CSMD1: variants seen among roughly 807,000 people sequenced by gnomAD.
The protein encoded by CSMD1 is CUB and Sushi multiple domains 1.
CSMD1 carries 213 observed loss-of-function variants against 417.5 expected under a neutral mutation model. The observed-to-expected ratio is 0.51, with a 90% CI of 0.46 to 0.57. The LOEUF (loss-of-function observed/expected upper bound fraction) is 0.57. Ranked by LOEUF, CSMD1 falls within the 20% of genes least tolerant of loss-of-function variation. The probability of loss-of-function intolerance (pLI) is 0.00; values close to 1 mark genes in which losing one functional copy is unlikely to be tolerated. For synonymous variants in CSMD1, 2,862 were observed against 1,736.8 expected (o/e 1.65, Z -16.11); for missense variants, 6,923 against 4,529.7 (o/e 1.53, Z -15.17).
At chr8:4,931,047 T>C (rs531417711) in intron 1 of CSMD1, among the ~76,000 whole-genome samples, 2 of 152,294 alleles carry the variant, frequency 1.3e-5, no homozygotes, top group South Asian at 4.1e-4. Flanking sequence ...CCCTTACAAA[T>C]CCTTGACTTA....
intron 3 of CSMD1, among the ~76,000 whole-genome samples, chr8:4,072,011 G>C (rs955351006): frequency 3.9e-5 from 6 of 152,102 alleles, no homozygotes; most frequent in African/African-American, 9.7e-5. Context: ...TGGTGGATGT[G>C]GTTTTGCTGG....
rs187775967 is a variant in CSMD1, at chr8:4,752,618, C to T, written c.86-115060G>A. Among the ~76,000 whole-genome samples the T allele has an allele frequency of 3.0e-3, 460 of 152,104 alleles. 4 individuals are homozygous for T. The highest frequency in any genetic ancestry group is 0.01 in the African/African-American group (424 of 41,496). Reference sequence around the variant, plus strand: ...GAAATTCTAGAAAAATGTAGGGGAGCAAGAGAGAGGGGAAAATTGATGTGC... The same window carrying T: ...GAAATTCTAGAAAAATGTAGGGGAGTAAGAGAGAGGGGAAAATTGATGTGC... On this transcript the variant is annotated intron_variant, in intron 1 of 69. Transcript: ENST00000635120.
chr8:2,965,836 T>A lies in CSMD1; in HGVS notation c.9219A>T (p.Thr3073=). ...CNPGYVMEAV[T]SATIRCTKDG... Reference sequence around the variant, plus strand: ...CTTTGGTACAGCGAATAGTGGCGGATGTGACTGCTTCCATGACATAGCCTG... The same window carrying A: ...CTTTGGTACAGCGAATAGTGGCGGAAGTGACTGCTTCCATGACATAGCCTG... The change falls in exon 59 of 70, where the codon ACA becomes ACT. Residue 3073 remains threonine (T), a synonymous_variant. Transcript: ENST00000635120. The A allele has an allele frequency of 6.2e-7, 1 of 1,608,608 alleles. No homozygotes were observed. Among genetic ancestry groups the A allele is most frequent in the African/African-American group, 1.3e-5 (1 of 74,990 alleles).
At position 4,984,754 on chromosome 8, in the gene CSMD1, A is replaced by G. The variant is rs140746580; in HGVS notation, c.85+9578T>C. Among the ~76,000 whole-genome samples the G allele has an allele frequency of 3.9e-3, 600 of 152,322 alleles. 5 individuals carry two copies. Among genetic ancestry groups the G allele is most frequent in the African/African-American group, 0.014 (565 of 41,576 alleles). On this transcript the variant is annotated intron_variant, in intron 1 of 69. Coordinates refer to ENST00000635120, the MANE Select transcript of CSMD1 (RefSeq NM_033225.6). ...GAAGATCCTGCAGCAAGGAGGATGA[A>G]CAGCAGAAGGAAAAACCCCCAGATT... is the stretch of plus-strand genomic sequence containing the variant.
chr8:3,059,959 T>C (rs2128993092), intron 49 of CSMD1, among the ~76,000 whole-genome samples: 1 of 152,196 alleles, frequency 6.6e-6, no homozygotes, highest in Non-Finnish European at 1.5e-5. Context: ...CAGTGGGTAC[T>C]GCAATTAGGC....
chr8:4,615,194 A>C (rs1801406380), intron 2 of CSMD1, among the ~76,000 whole-genome samples: 1 of 152,168 alleles, frequency 6.6e-6, no homozygotes, highest in Non-Finnish European at 1.5e-5. Context: ...CTCTCCATGC[A>C]AAGAGAAACA....
chr8:4,327,906 T>A (rs921308086), intron 3 of CSMD1, among the ~76,000 whole-genome samples: 1 of 152,216 alleles, frequency 6.6e-6, no homozygotes, highest in Non-Finnish European at 1.5e-5. Context: ...TCCAGGTCCC[T>A]AATTTTCCTT....
intron 5 of CSMD1, among the ~76,000 whole-genome samples, chr8:3,790,452 G>T (rs1051842892): frequency 6.6e-6 from 1 of 152,130 alleles, no homozygotes; most frequent in African/African-American, 2.4e-5. Flanking sequence ...TGATGACACG[G>T]TTATGGTAAT....
chr8:3,949,734 C>T (rs1021955899), intron 5 of CSMD1, among the ~76,000 whole-genome samples: 2 of 152,074 alleles, frequency 1.3e-5, no homozygotes, highest in Non-Finnish European at 2.9e-5. Flanking sequence ...GCAATGGGGA[C>T]TTGATCCCAC....
intron 5 of CSMD1, among the ~76,000 whole-genome samples, chr8:3,978,404 C>T (rs1813607518): frequency 6.6e-6 from 1 of 152,006 alleles, no homozygotes; most frequent in South Asian, 2.1e-4. Context: ...AGATTTCTTC[C>T]ACTCATATTT....
At chr8:4,522,183 C>A (rs569312792) in intron 2 of CSMD1, among the ~76,000 whole-genome samples, 1 of 152,052 alleles carries the variant, frequency 6.6e-6, no homozygotes, top group Admixed American at 6.6e-5. Flanking sequence ...GAATGAGTCT[C>A]GTGAGAGCTG....
rs1168417985 is a variant in CSMD1, at chr8:4,472,642, TAAAC to T, written c.303-52581_303-52578del. On this transcript the variant is annotated intron_variant, in intron 2 of 69. Coordinates refer to ENST00000635120, the MANE Select transcript of CSMD1 (RefSeq NM_033225.6). The stretch of plus-strand genomic sequence containing the variant: ...CTGCAAACAATAAGAAAAATAATTT[TAAAC>T]AAATAATTTATAAAATATTAATTGC... Among the ~76,000 whole-genome samples, 21 of 152,156 alleles carry T rather than the reference TAAAC, an allele frequency of 1.4e-4. No individual in the cohort carries two copies. In the South Asian group the frequency reaches 4.1e-3, roughly 30 times the overall value.
intron 3 of CSMD1, among the ~76,000 whole-genome samples, chr8:4,409,715 A>AAGAT (rs1796542321): frequency 1.3e-5 from 2 of 151,176 alleles, no homozygotes; most frequent in African/African-American, 4.9e-5. Context: ...AGGTGGACAC[A>AAGAT]GGCTTCCCAA....
intron 5 of CSMD1, among the ~76,000 whole-genome samples, chr8:3,813,341 T>G (rs546401918): frequency 6.6e-6 from 1 of 152,282 alleles, no homozygotes; most frequent in South Asian, 2.1e-4. Flanking sequence ...ATACTGCAAG[T>G]AAATTTGATT....
At chr8:3,661,544 T>A (rs1189034219) in intron 7 of CSMD1, among the ~76,000 whole-genome samples, 1 of 152,122 alleles carries the variant, frequency 6.6e-6, no homozygotes, top group African/African-American at 2.4e-5. Context: ...TCACCCAGGC[T>A]GCAGTGCGGT....
intron 7 of CSMD1, among the ~76,000 whole-genome samples, chr8:3,685,038 T>C (rs948995390): frequency 6.6e-6 from 1 of 152,148 alleles, no homozygotes; most frequent in African/African-American, 2.4e-5. Context: ...ATCAGCATCA[T>C]CCAAGCCCAG....
intron 5 of CSMD1, among the ~76,000 whole-genome samples, chr8:3,765,221 C>T (rs781164533): frequency 7.2e-5 from 11 of 152,302 alleles, no homozygotes; most frequent in African/African-American, 2.4e-4. Flanking sequence ...ATCACTCCCT[C>T]GACTGTCTGC....
chr8:3,915,089 G>A (rs1316126347), intron 5 of CSMD1, among the ~76,000 whole-genome samples: 1 of 152,066 alleles, frequency 6.6e-6, no homozygotes, highest in African/African-American at 2.4e-5. Context: ...GATCGGAAAA[G>A]CCCTAATAAT....
chr8:4,834,201 G>C (rs1023969156), intron 1 of CSMD1, among the ~76,000 whole-genome samples: 1 of 152,166 alleles, frequency 6.6e-6, no homozygotes, highest in South Asian at 2.1e-4. Flanking sequence ...AATTTTAGAA[G>C]ACAATACATA....
Sources: allele counts gnomAD v4.1 joint callset (sites outside exome capture counted in the v4.1 genomes callset), GRCh38; gene constraint gnomAD v4.1.1; transcripts MANE v1.5; gene names NCBI Gene and HGNC (gene_info 2026-07-23, HGNC 2026-07-21).